TEX2: variants seen among roughly 807,000 people sequenced by gnomAD.
The protein encoded by TEX2 is testis-expressed protein 2.
A neutral mutation model predicts 106.9 loss-of-function variants in TEX2; 53 were observed. The ratio of observed to expected loss-of-function variants is 0.50; its 90% CI spans 0.40 to 0.62. The LOEUF is 0.62. Ranked by LOEUF, TEX2 falls within the 20% of genes least tolerant of loss-of-function variation. TEX2 has a pLI of 0.00. For synonymous variants in TEX2, 523 were observed against 534.8 expected (o/e 0.98, Z 0.30); for missense variants, 1,207 against 1,379.0 (o/e 0.88, Z 1.98).
chr17:64,170,045 C>T (rs1347654328), intron 7 of TEX2, among the ~76,000 whole-genome samples: 4 of 152,062 alleles, frequency 2.6e-5, no homozygotes, highest in Non-Finnish European at 4.4e-5. Flanking sequence ...CTTTTAAAAC[C>T]GTATTTATGG....
At chr17:64,253,979 C>T (rs2034139293) in intron 1 of TEX2, among the ~76,000 whole-genome samples, 1 of 152,124 alleles carries the variant, frequency 6.6e-6, no homozygotes, top group Admixed American at 6.5e-5. Context: ...TCTTTGAGCC[C>T]CTGGGTGTTG....
chr17:64,154,688 C>CA (rs1188034433), intron 9 of TEX2, among the ~76,000 whole-genome samples, 154 bp downstream of exon 9: 1 of 109,172 alleles, frequency 9.2e-6, no homozygotes, highest in Non-Finnish European at 1.9e-5. Flanking sequence ...GGAATTTAAA[C>CA]AGACCACTGA....
At chr17:64,191,918 T>C (rs2143890576) in intron 4 of TEX2, among the ~76,000 whole-genome samples, 1 of 152,254 alleles carries the variant, frequency 6.6e-6, no homozygotes, top group East Asian at 1.9e-4. Flanking sequence ...TCTAAAATAT[T>C]ATTTCAACAT....
In TEX2 at chr17:64,152,970, G is replaced by C. The variant is rs1427071547; in HGVS notation, c.3115C>G (p.Pro1039Ala). 1.9e-6 allele frequency: 3 copies of C among 1,614,184 alleles called. No individual in the cohort carries two copies. The South Asian group carries it at 3.3e-5, about 18-fold the overall frequency. Residue 1039 changes from proline to alanine, a missense_variant, in exon 10 of 12, where the codon CCA becomes GCA. Coordinates refer to ENST00000584379, the MANE Select transcript of TEX2 (RefSeq NM_001288732.2). ...CATACTCGGTCAGTCGGGGGTGGTG[G>C]AATGTTGACCGCCAAGGTTCCTCTA... ...ECRGTLAVNIPPPPTDRVWYG... is the reference protein window; with the variant it reads ...ECRGTLAVNIAPPPTDRVWYG...
Position 64,201,646 on chromosome 17 carries a change from G to A in TEX2, c.1645-6551C>T, listed in dbSNP as rs996653076. 5.9e-5 allele frequency among the ~76,000 whole-genome samples: 9 copies of A among 152,140 alleles called. No individual in the cohort carries two copies. In the South Asian group the frequency reaches 8.3e-4, roughly 14 times the overall value. On this transcript the variant is annotated intron_variant, in intron 2 of 11. Transcript: ENST00000584379. ...GGATGCTACCTCAGCTCCATGGCAC[G>A]GCCCCACCTGCAGTCTGGCTTGTGC...
chr17:64,154,053 T>C (rs901663511), intron 9 of TEX2, among the ~76,000 whole-genome samples: 9 of 152,208 alleles, frequency 5.9e-5, no homozygotes, highest in Non-Finnish European at 1.3e-4. Flanking sequence ...ATTTGCTTTT[T>C]AAAATCCCCC....
intron 1 of TEX2, among the ~76,000 whole-genome samples, chr17:64,235,040 G>T (rs1419823621): frequency 6.6e-6 from 1 of 152,174 alleles, no homozygotes; most frequent in African/African-American, 2.4e-5. Flanking sequence ...GTCAAACGCA[G>T]TCCTGATCTG....
At chr17:64,193,471 C>G in intron 4 of TEX2, 88 bp downstream of exon 4, 109 of 1,133,618 alleles carry the variant, frequency 9.6e-5, no homozygotes, top group Non-Finnish European at 1.2e-4. Context: ...GGGCTTCCTT[C>G]CTTCCTTCCT....
At chr17:64,190,844 C>T (rs2032269032) in intron 4 of TEX2, among the ~76,000 whole-genome samples, 1 of 152,186 alleles carries the variant, frequency 6.6e-6, no homozygotes, top group Non-Finnish European at 1.5e-5. Context: ...CTGAGAAGCA[C>T]AATCCGTGTT....
intron 1 of TEX2, among the ~76,000 whole-genome samples, chr17:64,262,385 G>A (rs2034304550): frequency 6.6e-6 from 1 of 152,192 alleles, no homozygotes; most frequent in Non-Finnish European, 1.5e-5. Flanking sequence ...GAGGGGCTAA[G>A]TTTTCCAAAA....
intron 1 of TEX2, among the ~76,000 whole-genome samples, chr17:64,247,630 C>T (rs1227772660): frequency 1.3e-5 from 2 of 152,140 alleles, no homozygotes; most frequent in South Asian, 2.1e-4. Flanking sequence ...GTTCGCTCAC[C>T]GGTGTTGTCT....
At chr17:64,259,643 G>A (rs2143534008) in intron 1 of TEX2, among the ~76,000 whole-genome samples, 1 of 152,270 alleles carries the variant, frequency 6.6e-6, no homozygotes, top group South Asian at 2.1e-4. Flanking sequence ...TATTGCCTAG[G>A]CGTTGAGTGG....
chr17:64,179,933 G>A (rs1274069722), intron 5 of TEX2, among the ~76,000 whole-genome samples: 2 of 152,176 alleles, frequency 1.3e-5, no homozygotes, highest in Non-Finnish European at 2.9e-5. Context: ...ACTAGGTCCT[G>A]GATGGAAGGG....
chr17:64,216,721 G>A (rs2033199086), intron 1 of TEX2, among the ~76,000 whole-genome samples: 1 of 152,230 alleles, frequency 6.6e-6, no homozygotes, highest in South Asian at 2.1e-4. Flanking sequence ...GCTGGCACCT[G>A]CTCAGGAAGC....
chr17:64,193,671 A>G lies in TEX2; in HGVS notation c.2064T>C (p.Tyr688=), dbSNP rs1342628413. The part of the protein sequence containing the change: ...TRSSQRDQIL[Y]LFGRTGREKE... ...TTTCTCGGCCAGTTCTCCCAAAGAG[A>G]TAGAGTATCTGATCTCGCTGGCTAG... The change falls in exon 4 of 12, where the codon TAT becomes TAC. Residue 688 remains tyrosine, a synonymous_variant. Coordinates refer to ENST00000584379, the MANE Select transcript of TEX2 (RefSeq NM_001288732.2). 17 of 1,593,256 alleles carry G rather than the reference A, an allele frequency of 1.1e-5. No homozygotes were observed. The highest frequency in any genetic ancestry group is 1.5e-5 in the Non-Finnish European group (17 of 1,170,386).
chr17:64,205,227 G>GA lies in TEX2; in HGVS notation c.1644+7346dup, dbSNP rs1479243319. Among the ~76,000 whole-genome samples the GA allele has an allele frequency of 2.0e-5, 3 of 152,174 alleles. No homozygotes were observed. The highest frequency in any genetic ancestry group is 7.2e-5 in the African/African-American group (3 of 41,432). On this transcript the variant is annotated intron_variant, in intron 2 of 11. Transcript: ENST00000584379. The surrounding 1 kb of genome is among the most constrained non-coding windows in gnomAD (Gnocchi z 4.0). ...AGCAACTCTGGAGGCTGAGGCAGGA[G>GA]AATTGCCTGAACCCGGGAGGCAGAG...
chr17:64,247,900 A>T (rs191458222), intron 1 of TEX2, among the ~76,000 whole-genome samples: 2 of 152,224 alleles, frequency 1.3e-5, no homozygotes, highest in East Asian at 3.9e-4. Flanking sequence ...AGATTAAAAA[A>T]CCCAGATGTA....
intron 1 of TEX2, among the ~76,000 whole-genome samples, chr17:64,258,487 C>G (rs2034226583): frequency 6.6e-6 from 1 of 152,094 alleles, no homozygotes; most frequent in Non-Finnish European, 1.5e-5. Flanking sequence ...ATAGTATCTA[C>G]TATTCATAGG....
At chr17:64,216,550 G>C (rs2033192528) in intron 1 of TEX2, among the ~76,000 whole-genome samples, 1 of 152,168 alleles carries the variant, frequency 6.6e-6, no homozygotes, top group Admixed American at 6.5e-5. Context: ...GGTCCTTCAG[G>C]AACCAAGGCA....
Sources: allele counts gnomAD v4.1 joint callset (sites outside exome capture counted in the v4.1 genomes callset), GRCh38; gene constraint gnomAD v4.1.1; non-coding constraint Gnocchi (gnomAD v3.1); transcripts MANE v1.5; gene names NCBI Gene and HGNC (gene_info 2026-07-23, HGNC 2026-07-21).